FAF1: variants seen among roughly 807,000 people sequenced by gnomAD.
FAF1 encodes FAS-associated factor 1.
In FAF1, 25 loss-of-function variants were observed where a neutral mutation model predicts 92.5. The observed-to-expected ratio is 0.27, with a 90% CI of 0.20 to 0.38. The LOEUF (loss-of-function observed/expected upper bound fraction) is 0.38. Ranked by LOEUF, FAF1 falls within the 10% of genes least tolerant of loss-of-function variation. FAF1 has a pLI of 1.00. For missense variants in FAF1, 636 were observed against 793.3 expected (o/e 0.80, Z 2.38); for synonymous variants, 234 against 273.2 (o/e 0.86, Z 1.42).
intron 1 of FAF1, among the ~76,000 whole-genome samples, chr1:50,889,670 C>T (rs189263504): frequency 0.025 from 3,760 of 152,182 alleles, 81 homozygotes; most frequent in Non-Finnish European, 0.037. Context: ...TGTAGTTGAG[C>T]AGTTTTGAGT....
At chr1:50,699,709 A>G (rs1657384722) in intron 7 of FAF1, among the ~76,000 whole-genome samples, 2 of 152,166 alleles carry the variant, frequency 1.3e-5, no homozygotes, top group African/African-American at 4.8e-5. Context: ...CAATGCCATT[A>G]GAATGAGCCT....
At chr1:50,733,690 GA>G (rs1473251192) in intron 6 of FAF1, among the ~76,000 whole-genome samples, 2 of 152,166 alleles carry the variant, frequency 1.3e-5, no homozygotes, top group Non-Finnish European at 2.9e-5. Flanking sequence ...CTTTCAACAG[GA>G]ACTGACTCTA....
intron 2 of FAF1, among the ~76,000 whole-genome samples, chr1:50,855,034 T>A (rs1317496816): frequency 2.3e-4 from 35 of 151,878 alleles, no homozygotes; most frequent in Admixed American, 2.3e-3. Context: ...CGATTGAACA[T>A]TTTGGATTTT....
At chr1:50,920,387 G>C (rs1337142802) in intron 1 of FAF1, among the ~76,000 whole-genome samples, 1 of 152,000 alleles carries the variant, frequency 6.6e-6, no homozygotes, top group African/African-American at 2.4e-5. Context: ...AAAAAGTGTA[G>C]GTACAGCCCC....
chr1:50,870,428 G>A (rs1393129419), intron 1 of FAF1, among the ~76,000 whole-genome samples: 3 of 152,226 alleles, frequency 2.0e-5, no homozygotes, highest in Non-Finnish European at 2.9e-5. Context: ...CTGCACTCCC[G>A]CCTGGGTGAC....
intron 2 of FAF1, among the ~76,000 whole-genome samples, chr1:50,844,464 G>A (rs76361776): frequency 0.013 from 1,971 of 151,680 alleles, 43 homozygotes; most frequent in African/African-American, 0.044. Context: ...TATTGCTTGA[G>A]GCAGACACTA....
rs11297579 is a variant in FAF1 at position 50,550,351 on chromosome 1, TAAA to T, written c.1269-10626_1269-10624del. Among the ~76,000 whole-genome samples, 203 of 108,356 alleles carry T rather than the reference TAAA, an allele frequency of 1.9e-3. 1 individual carries two copies. Among genetic ancestry groups the T allele is most frequent in the Middle Eastern group, 5.3e-3 (1 of 190 alleles). The allele number at this position is 108,356 out of a possible 152,430, so 71.1% of individuals were successfully genotyped here. A position where few individuals can be genotyped will look rare whatever the true frequency, so the allele number is the denominator to read the frequency against. On this transcript the variant is annotated intron_variant, in intron 13 of 18. Transcript: ENST00000396153. ...GGGCGACAGAGTGAGACTCCGTCTT[TAAA>T]AAAAAAAAAAAAAAAAAAAAAAGTG...
chr1:50,581,902 T>C (rs1651001717), intron 12 of FAF1, among the ~76,000 whole-genome samples: 1 of 152,222 alleles, frequency 6.6e-6, no homozygotes, highest in African/African-American at 2.4e-5. Context: ...GCCAGATTGC[T>C]GATGTCTTGA....
rs1652703311 is a variant in FAF1 at position 50,611,900 on chromosome 1, A to C, written c.745-15684T>G. Reference sequence around the variant, plus strand: ...GGAGGACACAAGGCAGAGCTCATGGAAACTGGCTTTGAAACAGAAAGTGTT... The same window carrying C: ...GGAGGACACAAGGCAGAGCTCATGGCAACTGGCTTTGAAACAGAAAGTGTT... On this transcript the variant is annotated intron_variant, in intron 8 of 18. Coordinates refer to ENST00000396153, the MANE Select transcript of FAF1 (RefSeq NM_007051.3). Among the ~76,000 whole-genome samples the C allele has an allele frequency of 2.0e-5, 3 of 152,348 alleles. No homozygotes were observed. In the South Asian group the frequency reaches 6.2e-4, roughly 32 times the overall value.
intron 18 of FAF1, chr1:50,462,125 T>G (rs1646440394): frequency 6.6e-6 from 1 of 150,556 alleles, no homozygotes; most frequent in African/African-American, 2.4e-5. Context: ...TTGTGCCTGG[T>G]TTCTCCTGGA....
At chr1:50,765,916 C>A (rs1476532303) in intron 4 of FAF1, among the ~76,000 whole-genome samples, 1 of 152,070 alleles carries the variant, frequency 6.6e-6, no homozygotes, top group Non-Finnish European at 1.5e-5. Context: ...CATGGTGAAA[C>A]CCCGTCTCTA....
At chr1:50,546,974 C>T (rs1345040484) in intron 13 of FAF1, among the ~76,000 whole-genome samples, 3 of 152,046 alleles carry the variant, frequency 2.0e-5, no homozygotes, top group Non-Finnish European at 2.9e-5. Context: ...CTGCAACCTC[C>T]GCCTCACGGG....
chr1:50,734,606 C>T (rs1474881271), intron 6 of FAF1, among the ~76,000 whole-genome samples: 1 of 151,706 alleles, frequency 6.6e-6, no homozygotes. Flanking sequence ...TATTGGCGGG[C>T]GCCTGTATTC....
intron 17 of FAF1, among the ~76,000 whole-genome samples, chr1:50,489,053 G>T (rs1302868191): frequency 6.6e-6 from 1 of 152,122 alleles, no homozygotes; most frequent in African/African-American, 2.4e-5. Context: ...TCTGTACATT[G>T]TCTGATTATC....
rs868633669 is a variant in FAF1 at position 50,450,566 on chromosome 1, A to T, written c.1870-9043T>A. ...CTGCTATGTCATGGCTTATGTCCCT[A>T]ATGGGCTTTGGTGTTCCAAACAGGA... is the stretch of plus-strand genomic sequence containing the variant. On this transcript the variant is annotated intron_variant, in intron 18 of 18. Coordinates refer to ENST00000396153, the MANE Select transcript of FAF1 (RefSeq NM_007051.3). Among the ~76,000 whole-genome samples, 4 of 152,320 alleles carry T rather than the reference A, an allele frequency of 2.6e-5. No homozygotes were observed. The South Asian group carries it at 8.3e-4, about 32-fold the overall frequency.
intron 6 of FAF1, among the ~76,000 whole-genome samples, chr1:50,732,031 A>G (rs937602458): frequency 2.0e-5 from 3 of 151,996 alleles, no homozygotes; most frequent in African/African-American, 7.2e-5. Context: ...AAAATCTTCT[A>G]TAGCTGACAA....
chr1:50,783,245 CA>C (rs1661245652), intron 4 of FAF1, among the ~76,000 whole-genome samples: 1 of 152,086 alleles, frequency 6.6e-6, no homozygotes, highest in Admixed American at 6.5e-5. Context: ...AACAAAGAAA[CA>C]TGCAGATGGT....
intron 1 of FAF1, among the ~76,000 whole-genome samples, chr1:50,889,708 G>C (rs1345670269): frequency 1.3e-5 from 2 of 152,204 alleles, no homozygotes; most frequent in Admixed American, 6.5e-5. Context: ...TTTCTAGTTT[G>C]ATTGCACTGT....
chr1:50,732,508 C>T (rs936430446), intron 6 of FAF1, among the ~76,000 whole-genome samples: 3 of 152,154 alleles, frequency 2.0e-5, no homozygotes, highest in African/African-American at 7.2e-5. Context: ...AATTGTCTTT[C>T]AATGCTATTT....
Sources: gnomAD v4.1 joint callset for allele counts (sites outside exome capture counted in the v4.1 genomes callset) on GRCh38, gnomAD v4.1.1 for gene constraint, MANE v1.5 for transcripts, NCBI Gene and HGNC (gene_info 2026-07-23, HGNC 2026-07-21) for gene names.